The following DPP10 variants were observed in gnomAD, a reference collection of about 807,000 sequenced individuals.
DPP10 encodes the protein inactive dipeptidyl peptidase 10.
In DPP10, 33 loss-of-function variants were observed where a neutral mutation model predicts 120.9. That is an observed-to-expected ratio of 0.27 (90% CI 0.21 to 0.37). The LOEUF is 0.37. Ranked by LOEUF, DPP10 falls within the 10% of genes least tolerant of loss-of-function variation. DPP10 has a pLI of 1.00. For synonymous variants in DPP10, 337 were observed against 326.1 expected, an observed-to-expected ratio of 1.03 and a Z score of -0.36; for missense variants, 816 against 942.8, an observed-to-expected ratio of 0.87 and a Z score of 1.76.
At chr2:114,675,853 T>C (rs1450012060) in intron 1 of DPP10, among the ~76,000 whole-genome samples, 1 of 151,918 alleles carries the variant, frequency 6.6e-6, no homozygotes, top group Non-Finnish European at 1.5e-5. Context: ...CAGGCTGGAG[T>C]TCAGTGGTGT....
At chr2:115,582,452 C>A (rs1483796900) in intron 5 of DPP10, among the ~76,000 whole-genome samples, 5 of 152,184 alleles carry the variant, frequency 3.3e-5, no homozygotes, top group Non-Finnish European at 7.3e-5. Context: ...TATTGGGAGA[C>A]TGCCTTTCCC....
chr2:114,627,488 C>T (rs1694604781), intron 1 of DPP10, among the ~76,000 whole-genome samples: 1 of 152,066 alleles, frequency 6.6e-6, no homozygotes, highest in African/African-American at 2.4e-5. Context: ...CATAACTAAA[C>T]CTGGCAAACA....
chr2:115,221,405 G>C (rs558781496), intron 1 of DPP10, among the ~76,000 whole-genome samples: 1 of 152,238 alleles, frequency 6.6e-6, no homozygotes, highest in South Asian at 2.1e-4. Context: ...GCAGGGTTCG[G>C]CAAACCATGG....
chr2:115,341,817 A>C (rs2063462103), intron 2 of DPP10, among the ~76,000 whole-genome samples: 1 of 152,156 alleles, frequency 6.6e-6, no homozygotes, highest in African/African-American at 2.4e-5. Flanking sequence ...CTCATTAAAA[A>C]AATGTATCTA....
At chr2:114,484,598 T>A (rs764071149) in intron 1 of DPP10, among the ~76,000 whole-genome samples, 3 of 152,148 alleles carry the variant, frequency 2.0e-5, no homozygotes, top group Non-Finnish European at 4.4e-5. Flanking sequence ...CACTGTCCTA[T>A]GATTGTATGT....
At chr2:115,106,564 G>A (rs774712072) in intron 1 of DPP10, among the ~76,000 whole-genome samples, 3 of 152,080 alleles carry the variant, frequency 2.0e-5, no homozygotes, top group Non-Finnish European at 4.4e-5. Context: ...AGGCTCAAGC[G>A]ATCCTCCTAC....
At chr2:114,905,714 A>AT (rs1057496547) in intron 1 of DPP10, among the ~76,000 whole-genome samples, 8 of 152,024 alleles carry the variant, frequency 5.3e-5, no homozygotes, top group African/African-American at 1.2e-4. Flanking sequence ...AAATCATTCT[A>AT]TTTTTTTATT....
chr2:115,313,649 G>A (rs1431914753), intron 2 of DPP10, among the ~76,000 whole-genome samples: 1 of 152,176 alleles, frequency 6.6e-6, no homozygotes, highest in African/African-American at 2.4e-5. Context: ...AGAAACACAT[G>A]TTCACTGTAA....
chr2:114,801,428 G>C (rs1684240571), intron 1 of DPP10, among the ~76,000 whole-genome samples: 1 of 152,140 alleles, frequency 6.6e-6, no homozygotes, highest in Admixed American at 6.5e-5. Context: ...CACCTCTGGG[G>C]TGTAAAGGGG....
intron 1 of DPP10, among the ~76,000 whole-genome samples, chr2:115,306,300 A>G (rs1422082395): frequency 2.6e-5 from 4 of 152,070 alleles, no homozygotes; most frequent in African/African-American, 9.7e-5. Context: ...GACAGTGTCT[A>G]TAACTGGATG....
Position 114,975,089 on chromosome 2 carries a change from G to A in DPP10, c.61-334150G>A, listed in dbSNP as rs116843846. Among the ~76,000 whole-genome samples, 119 of 151,158 alleles carry A rather than the reference G, an allele frequency of 7.9e-4. 2 individuals carry two copies. The East Asian group carries it at 0.023, about 29-fold the overall frequency. ...AGGTTCGCTCTTGTTGCCCCAGCTA[G>A]AGTGCAATGGCGCGATCTCAGCTCA... is the stretch of plus-strand genomic sequence containing the variant. On this transcript the variant is annotated intron_variant, in intron 1 of 25. Transcript: ENST00000410059.
At chr2:115,185,895 C>T (rs2054401843) in intron 1 of DPP10, among the ~76,000 whole-genome samples, 1 of 152,116 alleles carries the variant, frequency 6.6e-6, no homozygotes, top group Non-Finnish European at 1.5e-5. Flanking sequence ...CTAGAGTTCT[C>T]CAGGAATTAC....
intron 1 of DPP10, among the ~76,000 whole-genome samples, chr2:114,979,914 G>A (rs932722683): frequency 3.9e-5 from 6 of 151,958 alleles, no homozygotes; most frequent in Admixed American, 2.0e-4. Flanking sequence ...CGCAAAAGTC[G>A]GTTGGTATCT....
intron 13 of DPP10, among the ~76,000 whole-genome samples, chr2:115,776,526 T>C (rs925503528): frequency 6.6e-6 from 1 of 152,186 alleles, no homozygotes; most frequent in African/African-American, 2.4e-5. Context: ...GATGGGTATT[T>C]GGGTTGGTTC....
At chr2:115,246,698 T>C (rs2058549183) in intron 1 of DPP10, among the ~76,000 whole-genome samples, 1 of 152,126 alleles carries the variant, frequency 6.6e-6, no homozygotes, top group African/African-American at 2.4e-5. Flanking sequence ...ACAGATGTTG[T>C]TGGGGCGGTA....
intron 3 of DPP10, among the ~76,000 whole-genome samples, chr2:115,411,200 C>T (rs1559561998): frequency 1.3e-5 from 2 of 151,896 alleles, no homozygotes; most frequent in Admixed American, 6.6e-5. Flanking sequence ...GGCATGGTGG[C>T]GCATGCCTGT....
At position 115,268,460 on chromosome 2, in the gene DPP10, C is replaced by T. The variant is rs1368310555; in HGVS notation, c.61-40779C>T. Among the ~76,000 whole-genome samples the T allele has an allele frequency of 3.9e-5, 6 of 152,116 alleles. No individual in the cohort carries two copies. In the South Asian group the frequency reaches 8.3e-4, roughly 21 times the overall value. Reference sequence around the variant, plus strand: ...CCAGCAGGAGAAAGAAACCATCATGCGACTTCCTAAAATACGATGCATTAT... The same window carrying T: ...CCAGCAGGAGAAAGAAACCATCATGTGACTTCCTAAAATACGATGCATTAT... On this transcript the variant is annotated intron_variant, in intron 1 of 25. Transcript: ENST00000410059.
chr2:115,561,384 A>AG (rs2080662259), intron 5 of DPP10, among the ~76,000 whole-genome samples: 2 of 148,034 alleles, frequency 1.4e-5, no homozygotes, highest in South Asian at 2.1e-4. Context: ...AAAAAAAAAA[A>AG]GGAATCTCAA....
At chr2:114,493,521 G>A (rs941727386) in intron 1 of DPP10, among the ~76,000 whole-genome samples, 1 of 152,014 alleles carries the variant, frequency 6.6e-6, no homozygotes, top group Admixed American at 6.6e-5. Flanking sequence ...GTACTTGCTC[G>A]AATCTCTCAA....
Sources: gnomAD v4.1 joint callset for allele counts (sites outside exome capture counted in the v4.1 genomes callset) on GRCh38, gnomAD v4.1.1 for gene constraint, MANE v1.5 for transcripts, NCBI Gene and HGNC (gene_info 2026-07-23, HGNC 2026-07-21) for gene names.